Variants in MCOLN2 observed in about 807,000 individuals in gnomAD.
The protein encoded by MCOLN2 is mucolipin-2.
In MCOLN2, 57 loss-of-function variants were observed where a neutral mutation model predicts 67.5. That is an observed-to-expected ratio of 0.84 (90% CI 0.68 to 1.05). MCOLN2 has a LOEUF of 1.05. Ranked by LOEUF, MCOLN2 falls within the 50% of genes least tolerant of loss-of-function variation. The pLI is 0.00. For synonymous variants in MCOLN2, 246 were observed against 233.3 expected (o/e 1.05, Z -0.50); for missense variants, 620 against 678.8 (o/e 0.91, Z 0.96).
intron 5 of MCOLN2, 22 bp from the exon 6 acceptor site, chr1:84,952,361 G>T (rs1373038151): frequency 1.3e-6 from 2 of 1,591,782 alleles, no homozygotes; most frequent in Admixed American, 1.7e-5. Flanking sequence ...ATATTGAAAG[G>T]TATAAATTGT....
intron 6 of MCOLN2, among the ~76,000 whole-genome samples, chr1:84,951,790 AGGCTG>A (rs1482063571): frequency 2.0e-5 from 3 of 152,212 alleles, no homozygotes; most frequent in African/African-American, 7.2e-5. Context: ...TACCATAATG[AGGCTG>A]GGCATGGTGG....
At chr1:84,965,013 C>T (rs548169681) in intron 2 of MCOLN2, among the ~76,000 whole-genome samples, 1 of 152,300 alleles carries the variant, frequency 6.6e-6, no homozygotes, top group Admixed American at 6.5e-5. Flanking sequence ...TTCAGCAATA[C>T]AGGCCCCAAA....
chr1:84,934,604 T>C (rs1448186876), intron 11 of MCOLN2, among the ~76,000 whole-genome samples: 1 of 152,204 alleles, frequency 6.6e-6, no homozygotes, highest in African/African-American at 2.4e-5. Flanking sequence ...ACCCATGGCA[T>C]CAGTGAAGTC....
intron 6 of MCOLN2, among the ~76,000 whole-genome samples, chr1:84,951,890 T>C (rs867957332): frequency 3.3e-5 from 5 of 152,104 alleles, no homozygotes. Context: ...CTGGCCAACA[T>C]GGCAAAACCC....
chr1:84,974,600 T>C (rs1187791249), intron 1 of MCOLN2, among the ~76,000 whole-genome samples: 1 of 151,982 alleles, frequency 6.6e-6, no homozygotes, highest in African/African-American at 2.4e-5. Flanking sequence ...ACCTGCTAAC[T>C]GAAGAGCCCT....
intron 2 of MCOLN2, among the ~76,000 whole-genome samples, chr1:84,961,520 T>C (rs1018901345): frequency 6.6e-6 from 1 of 152,130 alleles, no homozygotes; most frequent in African/African-American, 2.4e-5. Flanking sequence ...ATTTCCTCCA[T>C]TCTATTCATA....
chr1:84,987,584 A>ACATCTATGTATACATCTATG lies in MCOLN2; in HGVS notation c.77+9211_77+9212insCATAGATGTATACATAGATG, dbSNP rs1557666022. ...TGTATACATAGATGTATACATAGAT[A>ACATCTATGTATACATCTATG]TATACATATGTATATAGATGTATAT... is the stretch of plus-strand genomic sequence containing the variant. On this transcript the variant is annotated intron_variant, in intron 1 of 13. Coordinates refer to ENST00000370608, the MANE Select transcript of MCOLN2 (RefSeq NM_153259.4). Among the ~76,000 whole-genome samples, 2 of 58,762 alleles carry ACATCTATGTATACATCTATG rather than the reference A, an allele frequency of 3.4e-5. 1 individual carries two copies. The highest frequency in any genetic ancestry group is 6.4e-5 in the Non-Finnish European group (2 of 31,260). The allele number at this position is 58,762 out of a possible 152,430, so 38.6% of individuals were successfully genotyped here. A position where few individuals can be genotyped will look rare whatever the true frequency, so the allele number is the denominator to read the frequency against.
At chr1:84,994,000 A>G (rs1651023400) in intron 1 of MCOLN2, among the ~76,000 whole-genome samples, 1 of 152,252 alleles carries the variant, frequency 6.6e-6, no homozygotes, top group South Asian at 2.1e-4. Context: ...GTGTTAACAT[A>G]TATGAAAACA....
intron 1 of MCOLN2, among the ~76,000 whole-genome samples, chr1:84,987,657 C>T (rs978571305): frequency 2.6e-5 from 3 of 114,796 alleles, no homozygotes; most frequent in South Asian, 5.7e-4. Flanking sequence ...TATATACATA[C>T]ATATGTATAT....
chr1:84,926,994 A>C (rs1054649944), intron 13 of MCOLN2, among the ~76,000 whole-genome samples: 6 of 151,770 alleles, frequency 4.0e-5, no homozygotes, highest in Middle Eastern at 3.2e-3. Context: ...GTCTCTTAAG[A>C]ACCTCCATGC....
At chr1:84,946,040 T>G (rs1648085975) in intron 7 of MCOLN2, among the ~76,000 whole-genome samples, 1 of 152,172 alleles carries the variant, frequency 6.6e-6, no homozygotes, top group Non-Finnish European at 1.5e-5. Flanking sequence ...TGAGCCACTG[T>G]GCTCAGCAGT....
chr1:84,974,936 G>A (rs970166562), intron 1 of MCOLN2, among the ~76,000 whole-genome samples: 2 of 152,192 alleles, frequency 1.3e-5, no homozygotes, highest in Non-Finnish European at 2.9e-5. Context: ...TGACCATGGG[G>A]AAGGTCTCCT....
intron 1 of MCOLN2, among the ~76,000 whole-genome samples, chr1:84,984,650 C>T (rs1349343125): frequency 6.6e-6 from 1 of 152,210 alleles, no homozygotes; most frequent in Non-Finnish European, 1.5e-5. Context: ...GTATCCATTC[C>T]TCTCTTCCTG....
At chr1:84,926,810 C>A in intron 13 of MCOLN2, 89 bp from the exon 14 acceptor site, 3 of 937,142 alleles carry the variant, frequency 3.2e-6, no homozygotes, top group Non-Finnish European at 4.6e-6. Context: ...ATTCTAGGCC[C>A]GTAGATTATA....
chr1:84,941,999 C>T (rs895103137), intron 7 of MCOLN2, among the ~76,000 whole-genome samples: 1 of 152,178 alleles, frequency 6.6e-6, no homozygotes, highest in Non-Finnish European at 1.5e-5. Flanking sequence ...CCTTCTTCAC[C>T]CTACAGCCAC....
chr1:84,952,095 AG>A (rs779735140), intron 6 of MCOLN2, 147 bp downstream of exon 6: 15,060 of 483,222 alleles, frequency 0.031, no homozygotes, highest in South Asian at 0.054. Context: ...TTAGAAAAAA[AG>A]AAAAGAGTAT....
intron 13 of MCOLN2, among the ~76,000 whole-genome samples, chr1:84,928,820 T>A (rs897840500): frequency 6.6e-6 from 1 of 152,168 alleles, no homozygotes; most frequent in Non-Finnish European, 1.5e-5. Context: ...CATCCTGTGG[T>A]TTTAAATAGC....
In MCOLN2 at chr1:84,939,411, CA is replaced by C. The variant is rs1647618848; in HGVS notation, c.1110+141del. The stretch of plus-strand genomic sequence containing the variant: ...CCTTTCCCTTCACGAGGAACCAAGC[CA>C]GGGGAGGCCTCACTTGTGCTGGTGT... On this transcript the variant is annotated intron_variant, in intron 9 of 13. Coordinates refer to ENST00000370608, the MANE Select transcript of MCOLN2 (RefSeq NM_153259.4). 5.0e-6 allele frequency: 4 copies of C among 799,676 alleles called. No homozygotes were observed. In the Admixed American group the frequency reaches 1.0e-4, roughly 21 times the overall value. 49.5% of individuals were successfully genotyped at this position (799,676 alleles called of 1,614,324 possible). A position where few individuals can be genotyped will look rare whatever the true frequency, so the allele number is the denominator to read the frequency against.
intron 8 of MCOLN2, 62 bp downstream of exon 8, chr1:84,940,817 T>C: frequency 1.8e-6 from 2 of 1,141,326 alleles, no homozygotes; most frequent in East Asian, 5.0e-5. Flanking sequence ...GGTGGTCCAC[T>C]GCTTGGGCAA....
Sources: gnomAD v4.1 joint callset for allele counts (sites outside exome capture counted in the v4.1 genomes callset) on GRCh38, gnomAD v4.1.1 for gene constraint, MANE v1.5 for transcripts, NCBI Gene and HGNC (gene_info 2026-07-23, HGNC 2026-07-21) for gene names.